The following GRID2 variants were observed in gnomAD, a reference collection of about 807,000 sequenced individuals.
GRID2 encodes the protein glutamate receptor ionotropic, delta-2.
A neutral mutation model predicts 114.8 loss-of-function variants in GRID2; 33 were observed. That is an observed-to-expected ratio of 0.29 (90% CI 0.22 to 0.38). The LOEUF is 0.38. Among genes scored for constraint, GRID2 ranks in the 10% least tolerant of loss-of-function variants. GRID2 has a pLI of 1.00. For synonymous variants in GRID2, 505 were observed against 449.9 expected, an observed-to-expected ratio of 1.12 and a Z score of -1.55; for missense variants, 1,184 against 1,257.7, an observed-to-expected ratio of 0.94 and a Z score of 0.89.
At chr4:92,845,112 T>C (rs1340084012) in intron 2 of GRID2, among the ~76,000 whole-genome samples, 1 of 152,060 alleles carries the variant, frequency 6.6e-6, no homozygotes, top group Non-Finnish European at 1.5e-5. Context: ...GTGAAAATAG[T>C]CCTGACTTGA....
At chr4:93,206,591 TACACAC>T (rs5860312) in intron 4 of GRID2, among the ~76,000 whole-genome samples, 2,462 of 143,030 alleles carry the variant, frequency 0.017, 72 homozygotes, top group African/African-American at 0.06. Flanking sequence ...CTGCCCCTAC[TACACAC>T]ACACACACAC....
intron 2 of GRID2, among the ~76,000 whole-genome samples, chr4:92,928,588 C>T (rs1459322266): frequency 1.3e-5 from 2 of 151,552 alleles, no homozygotes; most frequent in African/African-American, 4.8e-5. Context: ...CATAATTTCT[C>T]CTAACATTTA....
At chr4:92,732,622 A>G (rs570630862) in intron 2 of GRID2, among the ~76,000 whole-genome samples, 9 of 152,134 alleles carry the variant, frequency 5.9e-5, no homozygotes, top group Non-Finnish European at 8.8e-5. Flanking sequence ...AGAGTTACAT[A>G]TGACTGCTCA....
intron 1 of GRID2, among the ~76,000 whole-genome samples, chr4:92,586,894 T>A (rs1359262968): frequency 6.6e-6 from 1 of 152,048 alleles, no homozygotes. Context: ...GCCACTTGCA[T>A]GTCAGTATGT....
intron 2 of GRID2, among the ~76,000 whole-genome samples, chr4:93,006,832 GA>G (rs1011248737): frequency 8.4e-5 from 12 of 142,846 alleles, no homozygotes; most frequent in African/African-American, 1.8e-4. Context: ...TTTATAGAAA[GA>G]AAAAAAAACA....
At chr4:92,576,055 C>A (rs1229875612) in intron 1 of GRID2, among the ~76,000 whole-genome samples, 2 of 152,226 alleles carry the variant, frequency 1.3e-5, no homozygotes, top group African/African-American at 4.8e-5. Flanking sequence ...GCTGGAATGG[C>A]TGAGTTGTCT....
intron 2 of GRID2, among the ~76,000 whole-genome samples, chr4:93,041,797 A>G (rs1725539827): frequency 6.6e-6 from 1 of 152,168 alleles, no homozygotes; most frequent in African/African-American, 2.4e-5. Flanking sequence ...GAAGAATTGT[A>G]CTGAGTAGAG....
intron 1 of GRID2, among the ~76,000 whole-genome samples, chr4:92,576,478 G>T (rs1362790435): frequency 1.3e-5 from 2 of 152,168 alleles, no homozygotes; most frequent in Admixed American, 6.5e-5. Context: ...TGGGCCTGAA[G>T]ACTGGCACTG....
intron 2 of GRID2, among the ~76,000 whole-genome samples, chr4:92,728,124 G>A (rs963599328): frequency 6.6e-6 from 1 of 152,016 alleles, no homozygotes; most frequent in African/African-American, 2.4e-5. Context: ...ACTGAGAAAG[G>A]AATGTATTTT....
At chr4:92,866,515 T>C (rs181480120) in intron 2 of GRID2, among the ~76,000 whole-genome samples, 2 of 152,038 alleles carry the variant, frequency 1.3e-5, no homozygotes, top group African/African-American at 4.8e-5. Context: ...AAGAACCAAA[T>C]GGTGTTGTTA....
intron 1 of GRID2, among the ~76,000 whole-genome samples, chr4:92,438,065 G>C (rs1157379240): frequency 6.6e-6 from 1 of 152,080 alleles, no homozygotes; most frequent in African/African-American, 2.4e-5. Flanking sequence ...AGTATTTAAG[G>C]CTGTTAAGTA....
intron 10 of GRID2, among the ~76,000 whole-genome samples, chr4:93,423,447 G>A (rs1383707984): frequency 3.6e-5 from 5 of 137,832 alleles, no homozygotes; most frequent in Admixed American, 8.2e-5. Flanking sequence ...TCCTAGGTTC[G>A]CGCCATTCTC....
chr4:93,567,678 G>T (rs910159554), intron 13 of GRID2, among the ~76,000 whole-genome samples: 2 of 152,186 alleles, frequency 1.3e-5, no homozygotes, highest in African/African-American at 2.4e-5. Flanking sequence ...CGTTGTGCCA[G>T]ACTTGCTCAG....
chr4:92,442,706 G>T (rs966333411), intron 1 of GRID2, among the ~76,000 whole-genome samples: 1 of 152,210 alleles, frequency 6.6e-6, no homozygotes, highest in Non-Finnish European at 1.5e-5. Flanking sequence ...ACCTTTTAGG[G>T]TCTAGGGCTG....
At chr4:92,520,253 A>G (rs1399418857) in intron 1 of GRID2, among the ~76,000 whole-genome samples, 2 of 151,880 alleles carry the variant, frequency 1.3e-5, no homozygotes, top group African/African-American at 4.8e-5. Flanking sequence ...CTTCTTCAGG[A>G]TAATGTAATA....
chr4:93,366,127 A>C (rs1762310159), intron 8 of GRID2, among the ~76,000 whole-genome samples: 1 of 152,162 alleles, frequency 6.6e-6, no homozygotes, highest in Non-Finnish European at 1.5e-5. Context: ...GCACCTTAAA[A>C]AAAGAACAGG....
At chr4:93,588,814 T>A (rs1737812736) in intron 13 of GRID2, among the ~76,000 whole-genome samples, 1 of 152,130 alleles carries the variant, frequency 6.6e-6, no homozygotes, top group East Asian at 1.9e-4. Context: ...TAATGTGGAT[T>A]TTTTTTATTT....
chr4:92,379,348 G>A (rs368171332), intron 1 of GRID2, among the ~76,000 whole-genome samples: 2 of 151,926 alleles, frequency 1.3e-5, no homozygotes, highest in Non-Finnish European at 2.9e-5. Context: ...TGGGCTTTGT[G>A]TAATTTCTTG....
chr4:92,336,222 G>A (rs2110152958), intron 1 of GRID2, among the ~76,000 whole-genome samples: 1 of 152,214 alleles, frequency 6.6e-6, no homozygotes, highest in Admixed American at 6.5e-5. Context: ...ATTTAGAACT[G>A]ATATCCTTTT....
Sources: gnomAD v4.1 joint callset for allele counts (sites outside exome capture counted in the v4.1 genomes callset) on GRCh38, gnomAD v4.1.1 for gene constraint, MANE v1.5 for transcripts, NCBI Gene and HGNC (gene_info 2026-07-23, HGNC 2026-07-21) for gene names.